RBM23: variants seen among roughly 807,000 people sequenced by gnomAD.
RBM23 encodes probable RNA-binding protein 23.
In RBM23, 53 loss-of-function variants were observed where a neutral mutation model predicts 56.2. That is an observed-to-expected ratio of 0.94 (90% CI 0.76 to 1.19). RBM23 has a LOEUF of 1.19. Ranked by LOEUF, RBM23 falls within the 50% of genes most tolerant of loss-of-function variation. The pLI, the probability that RBM23 is intolerant of heterozygous loss-of-function variation, is 0.00. For missense variants in RBM23, 642 were observed against 590.3 expected, an observed-to-expected ratio of 1.09 and a Z score of -0.91; for synonymous variants, 197 against 198.5, an observed-to-expected ratio of 0.99 and a Z score of 0.06.
chr14:22,906,825 G>T (rs575081711), intron 4 of RBM23, among the ~76,000 whole-genome samples: 15 of 152,216 alleles, frequency 9.9e-5, no homozygotes, highest in Non-Finnish European at 2.1e-4. Flanking sequence ...GATCACCTGA[G>T]GTCGAGAGTT....
intron 10 of RBM23, 27 bp downstream of exon 10, chr14:22,904,234 A>T (rs756938142): frequency 3.1e-6 from 5 of 1,614,022 alleles, no homozygotes; most frequent in East Asian, 2.2e-5. Flanking sequence ...AAAGTAAAAT[A>T]AAAAAATTAA....
At chr14:22,912,564 T>C (rs901880104) in intron 1 of RBM23, among the ~76,000 whole-genome samples, 1 of 152,144 alleles carries the variant, frequency 6.6e-6, no homozygotes, top group Non-Finnish European at 1.5e-5. Context: ...GGATAAATTA[T>C]TCAAATGTTA....
Position 22,909,531 on chromosome 14 carries a change from T to C in RBM23, c.131A>G (p.Asn44Ser), listed in dbSNP as rs2139025636. 1.9e-6 allele frequency: 3 copies of C among 1,613,604 alleles called. No homozygotes were observed. The highest frequency in any genetic ancestry group is 1.7e-6 in the Non-Finnish European group (2 of 1,179,990). Residue 44 changes from asparagine to serine, a missense_variant, in exon 3 of 14, where the codon AAC (asparagine) becomes AGC (serine). Physicochemically the swap from Asn to Ser is conservative, Grantham distance 46. Transcript: ENST00000359890. ...GCTTCCACTGGTCTCATTGCCACTG[T>C]TGCTGGTGCTGCTGGTGGTATTGCT... ...YPSNTTSSTS[N>S]SGNETSGSST...
chr14:22,905,917 T>C, intron 5 of RBM23: 3 of 589,942 alleles, frequency 5.1e-6, no homozygotes, highest in Non-Finnish European at 9.0e-6. Context: ...ATCTAGCTCA[T>C]TTTTGCATTT....
At chr14:22,913,135 C>T (rs2042869302) in intron 1 of RBM23, among the ~76,000 whole-genome samples, 1 of 150,618 alleles carries the variant, frequency 6.6e-6, no homozygotes, top group African/African-American at 2.5e-5. Context: ...CACAAGAAGG[C>T]CGGGCGCGGT....
chr14:22,906,683 C>T (rs1279511806), intron 4 of RBM23, among the ~76,000 whole-genome samples: 10 of 152,140 alleles, frequency 6.6e-5, no homozygotes, highest in Non-Finnish European at 1.0e-4. Context: ...GGAAGGATGG[C>T]GGCTGTGGGT....
Position 22,909,521 on chromosome 14 carries a change from A to G in RBM23, c.141T>C (p.Asn47=), listed in dbSNP as rs947457420. The change falls in exon 3 of 14, where the codon AAT becomes AAC. Residue 47 remains asparagine, a synonymous_variant. Transcript: ENST00000359890. ...NTTSSTSNSG[N]ETSGSSTIGE... ...CGATGGTGCTGCTTCCACTGGTCTC[A>G]TTGCCACTGTTGCTGGTGCTGCTGG... 2 of 1,613,188 alleles carry G rather than the reference A, an allele frequency of 1.2e-6. No homozygotes were observed. Among genetic ancestry groups the G allele is most frequent in the East Asian group, 2.2e-5 (1 of 44,894 alleles).
intron 10 of RBM23, chr14:22,903,467 G>C: frequency 1.0e-6 from 1 of 985,636 alleles, no homozygotes; most frequent in Non-Finnish European, 1.2e-6. Context: ...CTAGCTAGCA[G>C]CATTACCTGC....
In RBM23 at chr14:22,902,756, CTTTTTT is replaced by C. The variant is rs59987550; in HGVS notation, c.931-380_931-375del. On this transcript the variant is annotated intron_variant, in intron 10 of 13. Transcript: ENST00000359890. ...GTTCTCTATCCTAGTAAGTTTTAGT[CTTTTTT>C]TTTTTTTTTTTTTTTTTTTTTTGAG... The C allele has an allele frequency of 6.7e-3, 3,072 of 459,456 alleles. 131 individuals carry two copies. Among genetic ancestry groups the C allele is most frequent in the Non-Finnish European group, 7.1e-3 (2,776 of 390,962 alleles). The allele number at this position is 459,456 out of a possible 1,614,324, so 28.5% of individuals were successfully genotyped here. A position where few individuals can be genotyped will look rare whatever the true frequency, so the allele number is the denominator to read the frequency against.
rs1406593398 is a variant in RBM23, at chr14:22,896,087, C to T, written c.*5643G>A. The T allele has an allele frequency of 6.6e-6, 1 of 152,114 alleles. No homozygotes were observed. The highest frequency in any genetic ancestry group is 1.5e-5 in the Non-Finnish European group (1 of 68,026). The allele number at this position is 152,114 out of a possible 1,614,324, so 9.4% of individuals were successfully genotyped here. ...CACTGCCCTTGCTTTTCCCCATAAA[C>T]CTTGAGCTCTAAAGTTGGGGAGAAT... On this transcript the variant is annotated 3_prime_UTR_variant, in exon 14 of 14. Transcript: ENST00000359890.
At chr14:22,908,559 A>G in intron 3 of RBM23, 179 bp from the exon 4 acceptor site, 1 of 565,678 alleles carries the variant, frequency 1.8e-6, no homozygotes, top group Non-Finnish European at 3.0e-6. Context: ...TGCCCAGCTA[A>G]TTTTTTATAT....
intron 2 of RBM23, 69 bp downstream of exon 2, chr14:22,911,259 T>C: frequency 4.8e-6 from 6 of 1,251,176 alleles, no homozygotes; most frequent in Non-Finnish European, 7.0e-6. Context: ...ATGTTGAAAG[T>C]TGAAAGTGAT....
intron 5 of RBM23, 45 bp downstream of exon 5, chr14:22,906,150 T>C (rs759493902): frequency 7.5e-6 from 12 of 1,604,126 alleles, no homozygotes; most frequent in Non-Finnish European, 7.7e-6. Flanking sequence ...TGTTGTTTTA[T>C]CCAGATTATT....
chr14:22,910,088 G>C (rs955700726), intron 2 of RBM23, among the ~76,000 whole-genome samples: 9 of 142,600 alleles, frequency 6.3e-5, no homozygotes, highest in Admixed American at 3.7e-4. Flanking sequence ...GGGAGGCAAA[G>C]GTTGCAGTAA....
intron 6 of RBM23, 71 bp from the exon 7 acceptor site, chr14:22,905,524 A>T: frequency 6.3e-7 from 1 of 1,597,688 alleles, no homozygotes; most frequent in Non-Finnish European, 8.6e-7. Context: ...ACCCTCAAGT[A>T]TTACACATTC....
chr14:22,912,766 G>A (rs2042752549), intron 1 of RBM23, among the ~76,000 whole-genome samples: 1 of 151,762 alleles, frequency 6.6e-6, no homozygotes. Context: ...GAGGCGGGCA[G>A]ATCACGAGGT....
chr14:22,907,913 CA>C (rs1488518397), intron 4 of RBM23, among the ~76,000 whole-genome samples: 1 of 151,344 alleles, frequency 6.6e-6, no homozygotes, highest in Non-Finnish European at 1.5e-5. Flanking sequence ...AAGTAAAAGA[CA>C]AAAAAATTTA....
In RBM23 at chr14:22,902,181, T is replaced by C. The variant is rs558747403; in HGVS notation, c.1126+6A>G. 10 of 1,613,320 alleles carry C rather than the reference T, an allele frequency of 6.2e-6. No individual in the cohort carries two copies. The highest frequency in any genetic ancestry group is 5.3e-5 in the African/African-American group (4 of 75,020). On this transcript the variant is annotated splice_donor_region_variant and intron_variant, in intron 11 of 13. Transcript: ENST00000359890. ...CCATAATCTTCACCTTGCGGAGATA[T>C]TTTACCTTCTGCCAGTTTTGCCATG... is the stretch of plus-strand genomic sequence containing the variant.
Position 22,901,666 on chromosome 14 carries a change from G to A in RBM23, c.*64C>T. On this transcript the variant is annotated 3_prime_UTR_variant, in exon 14 of 14. Coordinates refer to ENST00000359890, the MANE Select transcript of RBM23 (RefSeq NM_001077351.2). ...CCACAAAATGGAGAAATGGGGCCAT[G>A]GAAGAGTAGATGTGAAGTGGCAGGA... is the stretch of plus-strand genomic sequence containing the variant. 1 of 1,580,928 alleles carries A rather than the reference G, an allele frequency of 6.3e-7. No homozygotes were observed. The highest frequency in any genetic ancestry group is 8.7e-7 in the Non-Finnish European group (1 of 1,150,056).
Sources: gnomAD v4.1 joint callset for allele counts (sites outside exome capture counted in the v4.1 genomes callset) on GRCh38, gnomAD v4.1.1 for gene constraint, MANE v1.5 for transcripts, NCBI Gene and HGNC (gene_info 2026-07-23, HGNC 2026-07-21) for gene names.